KLF16: variants seen among roughly 807,000 people sequenced by gnomAD.
KLF16 encodes Krueppel-like factor 16.
KLF16 carries 6 observed loss-of-function variants against 6.1 expected under a neutral mutation model. That is an observed-to-expected ratio of 0.98 (90% CI 0.54 to 1.93). The LOEUF is 1.93. KLF16 is among the 30% of genes most tolerant of loss of function. The pLI is 0.01. For missense variants in KLF16, 355 were observed against 363.8 expected (o/e 0.98, Z 0.20); for synonymous variants, 211 against 176.5 (o/e 1.20, Z -1.55).
Position 1,854,386 on chromosome 19 carries a change from C to T in KLF16, c.*73G>A. 4 of 1,360,698 alleles carry T rather than the reference C, an allele frequency of 2.9e-6. No homozygotes were observed. Among genetic ancestry groups the T allele is most frequent in the South Asian group, 1.8e-5 (1 of 56,360 alleles). The allele number at this position is 1,360,698 out of a possible 1,614,324, so 84.3% of individuals were successfully genotyped here. On this transcript the variant is annotated 3_prime_UTR_variant, in exon 2 of 2. Coordinates refer to ENST00000250916, the MANE Select transcript of KLF16 (RefSeq NM_031918.4). ...TGCCCACGGCTGGAAGGGGCCCAGG[C>T]TCCCCGTGGGTCCTCACTACACCCC...
At chr19:1,856,666 A>G (rs749782316) in intron 1 of KLF16, among the ~76,000 whole-genome samples, 19 of 152,086 alleles carry the variant, frequency 1.2e-4, no homozygotes, top group Admixed American at 2.6e-4. Context: ...TCCCATCTCA[A>G]CCACTGGGCC....
In KLF16 at chr19:1,857,269, A is replaced by G. The variant is rs922856956; in HGVS notation, c.458-2509T>C. 1.3e-5 allele frequency among the ~76,000 whole-genome samples: 2 copies of G among 151,782 alleles called. No individual in the cohort carries two copies. Among genetic ancestry groups the G allele is most frequent in the Non-Finnish European group, 2.9e-5 (2 of 67,972 alleles). On this transcript the variant is annotated intron_variant, in intron 1 of 1. Coordinates refer to ENST00000250916, the MANE Select transcript of KLF16 (RefSeq NM_031918.4). This position sits in a 1 kb window ranked among gnomAD's most constrained non-coding sequence, Gnocchi z 4.7. Reference sequence around the variant, plus strand: ...CCAGGCCCTGCCTCGCACACAATCCACTCGCAGGGAGGAGGGTGGGGTGAA... The same window carrying G: ...CCAGGCCCTGCCTCGCACACAATCCGCTCGCAGGGAGGAGGGTGGGGTGAA...
chr19:1,863,316 G>A lies in KLF16; in HGVS notation c.182C>T (p.Pro61Leu), dbSNP rs1247447183. Residue 61 changes from proline (P) to leucine (L), a missense_variant, in exon 1 of 2, where the codon CCG (proline) becomes CTG (leucine). Transcript: ENST00000250916. ...ASPGTPGPPP[P>L]PPAASGPGPG... is the part of the protein sequence containing the mutation. ...GCCCGGGCCAGAAGCGGCGGGGGGC[G>A]GCGGGGGTGGCCCCGGGGTCCCGGG... The A allele has an allele frequency of 2.4e-5, 24 of 981,530 alleles. No individual in the cohort carries two copies. Among genetic ancestry groups the A allele is most frequent in the Non-Finnish European group, 2.8e-5 (23 of 829,048 alleles). The allele number at this position is 981,530 out of a possible 1,614,324, so 60.8% of individuals were successfully genotyped here.
rs2012116285 is a variant in KLF16, at chr19:1,863,477, G to A, written c.21C>T (p.Cys7=). Residue 7 remains cysteine (C), a synonymous_variant, in exon 1 of 2, where the codon TGC becomes TGT. Coordinates refer to ENST00000250916, the MANE Select transcript of KLF16 (RefSeq NM_031918.4). Reference sequence around the variant, plus strand: ...GCACGTCGGCGGCGAAGTAATCCACGCACGCCACGGCCGCCGACATGCCGA... The same window carrying A: ...GCACGTCGGCGGCGAAGTAATCCACACACGCCACGGCCGCCGACATGCCGA... The part of the protein sequence containing the change: MSAAVA[C]VDYFAADVLM... 4 of 1,031,448 alleles carry A rather than the reference G, an allele frequency of 3.9e-6. No homozygotes were observed. The highest frequency in any genetic ancestry group is 4.7e-6 in the Non-Finnish European group (4 of 857,214). The allele number at this position is 1,031,448 out of a possible 1,614,324, so 63.9% of individuals were successfully genotyped here.
intron 1 of KLF16, among the ~76,000 whole-genome samples, chr19:1,862,219 G>A (rs2012080061): frequency 6.6e-6 from 1 of 152,142 alleles, no homozygotes; most frequent in African/African-American, 2.4e-5. Context: ...CCCTAGGAGG[G>A]GACGGAGTGA....
In KLF16 at chr19:1,853,094, C is replaced by G. The variant is rs1364698378; in HGVS notation, c.*1365G>C. On this transcript the variant is annotated 3_prime_UTR_variant, in exon 2 of 2. Coordinates refer to ENST00000250916, the MANE Select transcript of KLF16 (RefSeq NM_031918.4). ...CAGGCTGGGGGTCCTCAATACCCCC[C>G]CCAAGAGGAAATGCAACCCAGGCCA... The G allele has an allele frequency of 6.6e-6, 1 of 152,056 alleles. No homozygotes were observed. Among genetic ancestry groups the G allele is most frequent in the Non-Finnish European group, 1.5e-5 (1 of 68,032 alleles). The allele number at this position is 152,056 out of a possible 1,614,324, so 9.4% of individuals were successfully genotyped here.
chr19:1,875,217 C>T, the KLF16 span: 1 of 152,164 alleles, frequency 6.6e-6, no homozygotes. Flanking sequence ...ACGGTTTGTA[C>T]AAGCAATAGT....
At chr19:1,876,035 G>A in the KLF16 span, 1 of 152,300 alleles carries the variant, frequency 6.6e-6, no homozygotes, top group East Asian at 1.9e-4. Flanking sequence ...GCCGAGGGAA[G>A]GAGTGAGAGC....
rs2012103083 is a variant in KLF16 at position 1,863,078 on chromosome 19, CTTG to C, written c.417_419del (p.Tyr139_Lys140delinsTer). The C allele has an allele frequency of 7.1e-7, 1 of 1,416,332 alleles. No individual in the cohort carries two copies. 87.7% of individuals were successfully genotyped at this position (1,416,332 alleles called of 1,614,324 possible). On this transcript the variant is annotated stop_gained and inframe_deletion, in exon 1 of 2. Coordinates refer to ENST00000250916, the MANE Select transcript of KLF16 (RefSeq NM_031918.4). LOFTEE classifies it low-confidence loss of function (END_TRUNC). ...GCAGGTGCGACTTTAGGTGCGAGGA[CTTG>C]TAGTAGGCTTTGGCGCAGTCCGGGA...
the KLF16 span, among the ~76,000 whole-genome samples, chr19:1,870,002 G>A: frequency 7.0e-6 from 1 of 143,124 alleles, no homozygotes; most frequent in Non-Finnish European, 1.5e-5. Flanking sequence ...GTGCAATCTC[G>A]GCTCACTGCA....
the KLF16 span, among the ~76,000 whole-genome samples, chr19:1,873,440 C>A: frequency 6.6e-6 from 1 of 152,074 alleles, no homozygotes; most frequent in East Asian, 1.9e-4. Context: ...TCTGCCCTCC[C>A]CCCGGGCTCC....
chr19:1,873,740 C>T, the KLF16 span, among the ~76,000 whole-genome samples: 1 of 152,214 alleles, frequency 6.6e-6, no homozygotes. Flanking sequence ...GCTGGCCTCC[C>T]CTGTCGCCAC....
At chr19:1,865,658 G>T (rs921850449), upstream of KLF16, among the ~76,000 whole-genome samples, 1 of 152,168 alleles carries the variant, frequency 6.6e-6, no homozygotes, top group Non-Finnish European at 1.5e-5. Context: ...GGTTTCAAGT[G>T]AGTGGCCTCA....
chr19:1,864,057 ATCCCGGCACGCCCC>A (rs1426816745), upstream of KLF16, among the ~76,000 whole-genome samples: 1 of 91,596 alleles, frequency 1.1e-5, no homozygotes, highest in Non-Finnish European at 2.3e-5. Context: ...GCCCCGCCCC[ATCCCGGCACGCCCC>A]TCCCTCCCAG....
chr19:1,859,222 A>G (rs1426253262), intron 1 of KLF16, among the ~76,000 whole-genome samples: 2 of 152,044 alleles, frequency 1.3e-5, no homozygotes, highest in South Asian at 2.1e-4. Flanking sequence ...GAGAGAATGA[A>G]GTGGGGCATG....
intron 1 of KLF16, chr19:1,862,793 C>A: frequency 8.2e-6 from 3 of 367,058 alleles, no homozygotes; most frequent in East Asian, 3.8e-5. Flanking sequence ...CGCCCGCAGA[C>A]CTCGCTGGGC....
chr19:1,869,379 C>T, the KLF16 span, among the ~76,000 whole-genome samples: 2 of 152,172 alleles, frequency 1.3e-5, no homozygotes, highest in Non-Finnish European at 2.9e-5. Context: ...ACTCAGGAGG[C>T]TGAGGCAGGA....
intron 1 of KLF16, chr19:1,862,783 C>T: frequency 5.4e-6 from 2 of 368,108 alleles, no homozygotes; most frequent in East Asian, 3.8e-5. Flanking sequence ...GTCTCAATCC[C>T]GCCCGCAGAC....
chr19:1,870,644 C>T, the KLF16 span, among the ~76,000 whole-genome samples: 2 of 152,006 alleles, frequency 1.3e-5, no homozygotes, highest in South Asian at 4.2e-4. Context: ...CACTACACTC[C>T]AGCCCAGGTA....
Sources: allele counts gnomAD v4.1 joint callset (sites outside exome capture counted in the v4.1 genomes callset), GRCh38; gene constraint gnomAD v4.1.1; non-coding constraint Gnocchi (gnomAD v3.1); transcripts MANE v1.5; gene names NCBI Gene and HGNC (gene_info 2026-07-23, HGNC 2026-07-21).